DPYD: variants seen among roughly 807,000 people sequenced by gnomAD.
The protein encoded by DPYD is dihydropyrimidine dehydrogenase [NADP(+)].
In DPYD, 109 loss-of-function variants were observed where a neutral mutation model predicts 116.2. The observed-to-expected ratio is 0.94, with a 90% confidence interval of 0.80 to 1.10. The LOEUF is 1.10. Ranked by LOEUF, DPYD falls within the 50% of genes least tolerant of loss-of-function variation. The pLI, the probability that DPYD is intolerant of heterozygous loss-of-function variation, is 0.00. For missense variants in DPYD, 1,302 were observed against 1,254.5 expected (o/e 1.04, Z -0.57); for synonymous variants, 440 against 432.0 (o/e 1.02, Z -0.23).
At chr1:97,219,357 A>G (rs1006559817) in intron 19 of DPYD, among the ~76,000 whole-genome samples, 7 of 152,206 alleles carry the variant, frequency 4.6e-5, no homozygotes, top group African/African-American at 1.4e-4. Context: ...ATTTTTAAAT[A>G]TATTAAGCAC....
chr1:97,801,350 T>G (rs1159555995), intron 3 of DPYD, among the ~76,000 whole-genome samples: 1 of 151,878 alleles, frequency 6.6e-6, no homozygotes, highest in African/African-American at 2.4e-5. Context: ...ATTGATGGCA[T>G]TTTGCTATAG....
Position 97,825,951 on chromosome 1 carries a change from T to C in DPYD, c.233+2163A>G, listed in dbSNP as rs547156722. ...ATTTTAAAAAGCACCTGACCCACCATATACTAAATTGTTGTATGCTATTAA... is the reference window on the plus strand; with the variant it reads ...ATTTTAAAAAGCACCTGACCCACCACATACTAAATTGTTGTATGCTATTAA... On this transcript the variant is annotated intron_variant, in intron 3 of 22. Coordinates refer to ENST00000370192, the MANE Select transcript of DPYD (RefSeq NM_000110.4). Among the ~76,000 whole-genome samples, 34 of 152,284 alleles carry C rather than the reference T, an allele frequency of 2.2e-4. No homozygotes were observed. In the South Asian group the frequency reaches 6.6e-3, roughly 30 times the overall value.
chr1:97,274,701 C>G (rs1043954364), intron 18 of DPYD, among the ~76,000 whole-genome samples: 1 of 152,132 alleles, frequency 6.6e-6, no homozygotes, highest in African/African-American at 2.4e-5. Flanking sequence ...CCATTACTTT[C>G]AATGGCAAAA....
At chr1:97,081,601 G>A (rs1171922070) in intron 22 of DPYD, among the ~76,000 whole-genome samples, 2 of 151,852 alleles carry the variant, frequency 1.3e-5, no homozygotes, top group East Asian at 1.9e-4. Flanking sequence ...AGTAAATGAA[G>A]AAGCAAATTA....
chr1:97,256,865 T>C (rs899906656), intron 18 of DPYD, among the ~76,000 whole-genome samples: 2 of 152,118 alleles, frequency 1.3e-5, no homozygotes, highest in African/African-American at 4.8e-5. Flanking sequence ...TTGGAACATA[T>C]GATGTAAAAT....
At chr1:97,858,066 G>T (rs539998101) in intron 2 of DPYD, among the ~76,000 whole-genome samples, 1 of 151,994 alleles carries the variant, frequency 6.6e-6, no homozygotes, top group Non-Finnish European at 1.5e-5. Flanking sequence ...CTCTTCCAAT[G>T]AGTCTGTTTC....
At chr1:97,832,162 T>C (rs1461032317) in intron 2 of DPYD, among the ~76,000 whole-genome samples, 1 of 150,170 alleles carries the variant, frequency 6.7e-6, no homozygotes, top group Non-Finnish European at 1.5e-5. Flanking sequence ...GTCTAACCAT[T>C]TAATCTGCAT....
At chr1:97,773,847 C>T (rs551408028) in intron 3 of DPYD, among the ~76,000 whole-genome samples, 22 of 152,294 alleles carry the variant, frequency 1.4e-4, no homozygotes, top group Admixed American at 4.6e-4. Context: ...AAAAACTTTG[C>T]ACCCATCTTC....
chr1:97,395,929 G>C (rs912617616), intron 14 of DPYD, among the ~76,000 whole-genome samples: 1 of 151,992 alleles, frequency 6.6e-6, no homozygotes, highest in African/African-American at 2.4e-5. Flanking sequence ...TAGCCCACCT[G>C]GAACTTGACC....
intron 14 of DPYD, among the ~76,000 whole-genome samples, chr1:97,445,447 C>A (rs1399472559): frequency 1.3e-5 from 2 of 152,124 alleles, no homozygotes; most frequent in African/African-American, 2.4e-5. Context: ...TCTCCTATAA[C>A]CTAATATGTA....
rs548896389 is a variant in DPYD at position 97,633,631 on chromosome 1, G to A, written c.851-38465C>T. 3.9e-4 allele frequency among the ~76,000 whole-genome samples: 59 copies of A among 152,048 alleles called. No individual in the cohort carries two copies. The Middle Eastern group carries it at 0.031, about 79-fold the overall frequency. On this transcript the variant is annotated intron_variant, in intron 8 of 22. Coordinates refer to ENST00000370192, the MANE Select transcript of DPYD (RefSeq NM_000110.4). ...GTATCCTCATAGGTTCTGTCAAGGG[G>A]GCCTGCAAATTAAACTAACAAAAGC...
chr1:97,239,802 G>A (rs545355890), intron 18 of DPYD, among the ~76,000 whole-genome samples: 3 of 151,966 alleles, frequency 2.0e-5, no homozygotes, highest in South Asian at 2.1e-4. Flanking sequence ...AAATCCCACC[G>A]AATCTCAATT....
intron 3 of DPYD, among the ~76,000 whole-genome samples, chr1:97,826,833 C>CT (rs982403854): frequency 2.8e-4 from 42 of 151,882 alleles, no homozygotes; most frequent in Middle Eastern, 3.4e-3. Context: ...ATTTTTCCCT[C>CT]TTTTTTTTAT....
intron 3 of DPYD, among the ~76,000 whole-genome samples, chr1:97,753,788 T>C (rs1376696088): frequency 6.6e-6 from 1 of 151,954 alleles, no homozygotes; most frequent in South Asian, 2.1e-4. Flanking sequence ...ACAACATTTA[T>C]AACTATCAGA....
chr1:97,363,817 G>C (rs1489216996), intron 16 of DPYD, among the ~76,000 whole-genome samples: 1 of 152,170 alleles, frequency 6.6e-6, no homozygotes, highest in Non-Finnish European at 1.5e-5. Flanking sequence ...TGGGGAGCAG[G>C]GGGAGGGACA....
intron 14 of DPYD, among the ~76,000 whole-genome samples, chr1:97,445,801 C>T (rs1676052074): frequency 6.6e-6 from 1 of 150,730 alleles, no homozygotes; most frequent in South Asian, 2.1e-4. Flanking sequence ...TCTCGGCTCA[C>T]TGCAACCTCT....
intron 21 of DPYD, among the ~76,000 whole-genome samples, chr1:97,083,004 C>T (rs1280677653): frequency 6.6e-6 from 1 of 152,062 alleles, no homozygotes; most frequent in Admixed American, 6.6e-5. Flanking sequence ...GAGTATGCAA[C>T]ATTATTTAAA....
In DPYD at chr1:97,820,110, T is replaced by C. The variant is rs564799712; in HGVS notation, c.233+8004A>G. Among the ~76,000 whole-genome samples, 17 of 152,248 alleles carry C rather than the reference T, an allele frequency of 1.1e-4. 2 individuals are homozygous for C. In the South Asian group the frequency reaches 2.5e-3, roughly 22 times the overall value. On this transcript the variant is annotated intron_variant, in intron 3 of 22. Coordinates refer to ENST00000370192, the MANE Select transcript of DPYD (RefSeq NM_000110.4). ...TCATGTAGAAGTATCAGTTAAAGTA[T>C]CAGTGTAATTCAACCATTATATTTA...
At chr1:97,415,358 C>CA (rs1220864303) in intron 14 of DPYD, among the ~76,000 whole-genome samples, 1 of 152,160 alleles carries the variant, frequency 6.6e-6, no homozygotes, top group Non-Finnish European at 1.5e-5. Flanking sequence ...ATTAGAGACT[C>CA]ACACTGTCAC....
Sources: gnomAD v4.1 joint callset for allele counts (sites outside exome capture counted in the v4.1 genomes callset) on GRCh38, gnomAD v4.1.1 for gene constraint, MANE v1.5 for transcripts, NCBI Gene and HGNC (gene_info 2026-07-23, HGNC 2026-07-21) for gene names.